Variants in MAPK10 observed in about 807,000 individuals in gnomAD.
MAPK10 encodes the protein JNK3 alpha protein kinase.
In MAPK10, 25 loss-of-function variants were observed where a neutral mutation model predicts 59.3. The ratio of observed to expected loss-of-function variants is 0.42; its 90% CI spans 0.31 to 0.59. The LOEUF is 0.59. MAPK10 is among the 20% of genes least tolerant of loss of function. MAPK10 has a pLI of 0.15. For missense variants in MAPK10, 351 were observed against 568.9 expected, an observed-to-expected ratio of 0.62 and a Z score of 3.90; for synonymous variants, 190 against 200.5, an observed-to-expected ratio of 0.95 and a Z score of 0.44.
Position 86,534,550 on chromosome 4 carries a change from C to T in MAPK10, c.-263+59360G>A, listed in dbSNP as rs565430375. ...TGTGAGATATTATCATTAAGAAAAA[C>T]GGAGTGAGTGGTATATGGAAACTAT... On this transcript the variant is annotated intron_variant, in intron 1 of 4. Coordinates refer to the MAPK10 transcript ENST00000502302. Among the ~76,000 whole-genome samples the T allele has an allele frequency of 8.5e-5, 13 of 152,128 alleles. No individual in the cohort carries two copies. In the East Asian group the frequency reaches 9.7e-4, roughly 11 times the overall value.
intron 1 of MAPK10, among the ~76,000 whole-genome samples, chr4:86,473,474 C>T (rs1281799073): frequency 4.6e-5 from 7 of 152,128 alleles, no homozygotes; most frequent in African/African-American, 1.7e-4. Context: ...GCAGAAAGTA[C>T]AGTAAGATTT....
Position 86,411,067 on chromosome 4 carries a change from T to G in MAPK10, c.-122+41963A>C, listed in dbSNP as rs532526746. The stretch of plus-strand genomic sequence containing the variant: ...CTATAAATTTCTCTCTACACACTGC[T>G]TTAAATGTGTCCCAGAGATTCTGGT... On this transcript the variant is annotated intron_variant, in intron 1 of 13. Coordinates refer to the MAPK10 transcript ENST00000361569. Among the ~76,000 whole-genome samples the G allele has an allele frequency of 3.3e-5, 5 of 152,364 alleles. No homozygotes were observed. In the East Asian group the frequency reaches 9.7e-4, roughly 29 times the overall value.
intron 1 of MAPK10, among the ~76,000 whole-genome samples, chr4:86,372,567 A>AGAAAGAAAGAAAGAAAGAAAGAAAG (rs1554253760): frequency 1.1e-4 from 15 of 132,932 alleles, no homozygotes; most frequent in Non-Finnish European, 1.8e-4. Context: ...AAAGAAAGAA[A>AGAAAGAAAGAAAGAAAGAAAGAAAG]GAAAAGAAAA....
At chr4:86,319,121 G>A (rs1274857054) in intron 2 of MAPK10, among the ~76,000 whole-genome samples, 1 of 152,136 alleles carries the variant, frequency 6.6e-6, no homozygotes, top group Non-Finnish European at 1.5e-5. Context: ...CACTGAAACA[G>A]GGTGGGTAAA....
chr4:86,238,640 C>G (rs1327609958), intron 2 of MAPK10, among the ~76,000 whole-genome samples: 2 of 152,116 alleles, frequency 1.3e-5, no homozygotes, highest in African/African-American at 2.4e-5. Context: ...TGATTTGGCT[C>G]TCCGCTTGCC....
intron 1 of MAPK10, among the ~76,000 whole-genome samples, chr4:86,569,322 G>A (rs1761289729): frequency 6.6e-6 from 1 of 152,146 alleles, no homozygotes; most frequent in Admixed American, 6.5e-5. Flanking sequence ...AGGATGCAGA[G>A]AAAAGGGAAC....
At chr4:86,356,083 A>C (rs1734331171) in intron 1 of MAPK10, among the ~76,000 whole-genome samples, 1 of 152,150 alleles carries the variant, frequency 6.6e-6, no homozygotes, top group Non-Finnish European at 1.5e-5. Context: ...GTGTACAAAC[A>C]CAAGGTAGTG....
At chr4:86,437,083 A>T (rs191218811) in intron 1 of MAPK10, among the ~76,000 whole-genome samples, 1 of 151,944 alleles carries the variant, frequency 6.6e-6, no homozygotes. Flanking sequence ...GCGTGGTGGC[A>T]GGCACCTGTA....
chr4:86,499,102 C>T (rs1755107129), intron 1 of MAPK10, among the ~76,000 whole-genome samples: 1 of 152,132 alleles, frequency 6.6e-6, no homozygotes, highest in Non-Finnish European at 1.5e-5. Flanking sequence ...AAATGAAATA[C>T]TTCTTTCAAG....
chr4:86,474,617 A>G (rs1752918109), intron 1 of MAPK10, among the ~76,000 whole-genome samples: 1 of 152,204 alleles, frequency 6.6e-6, no homozygotes, highest in Non-Finnish European at 1.5e-5. Context: ...CTTCATCATC[A>G]TACTTAACCA....
At chr4:86,547,954 C>T (rs962690921) in intron 1 of MAPK10, among the ~76,000 whole-genome samples, 2 of 152,118 alleles carry the variant, frequency 1.3e-5, no homozygotes, top group African/African-American at 2.4e-5. Context: ...ACAGACCACT[C>T]GGCTCTACCA....
chr4:86,566,717 A>C (rs1163259770), intron 1 of MAPK10, among the ~76,000 whole-genome samples: 1 of 152,064 alleles, frequency 6.6e-6, no homozygotes, highest in African/African-American at 2.4e-5. Context: ...TCCATTTAAA[A>C]AAAAAAAGTA....
At chr4:86,165,002 A>G (rs2071129806) in intron 3 of MAPK10, among the ~76,000 whole-genome samples, 1 of 152,176 alleles carries the variant, frequency 6.6e-6, no homozygotes, top group African/African-American at 2.4e-5. Context: ...ATATTTATTG[A>G]GCACCTACTG....
rs1752021900 is a variant in MAPK10, at chr4:86,029,294, T to TATTATA, written c.1175-26_1175-21dup. On this transcript the variant is annotated intron_variant, in intron 12 of 13. Coordinates refer to ENST00000641462, the MANE Select transcript of MAPK10 (RefSeq NM_138982.4). The stretch of plus-strand genomic sequence containing the variant: ...TAAGTTCTGTAAGAAACAGCTGTGT[T>TATTATA]ATTATAGAAAACAAATTTATCCTTC... 1 of 1,512,520 alleles carries TATTATA rather than the reference T, an allele frequency of 6.6e-7. No individual in the cohort carries two copies. 93.7% of individuals were successfully genotyped at this position (1,512,520 alleles called of 1,614,324 possible).
rs1366822715 is a variant in MAPK10, at chr4:86,014,044, C to T, written c.*3184G>A. On this transcript the variant is annotated 3_prime_UTR_variant, in exon 14 of 14. Coordinates refer to ENST00000641462, the MANE Select transcript of MAPK10 (RefSeq NM_138982.4). ...TTGCAGCAGTTTAATTTTCCCTGCA[C>T]ATGAGTACACAGCCATCCTTCCTAC... The T allele has an allele frequency of 6.6e-6, 1 of 152,170 alleles. No individual in the cohort carries two copies. Among genetic ancestry groups the T allele is most frequent in the African/African-American group, 2.4e-5 (1 of 41,440 alleles). 9.4% of individuals were successfully genotyped at this position (152,170 alleles called of 1,614,324 possible).
At chr4:86,053,298 T>C (rs2043920735) in intron 11 of MAPK10, among the ~76,000 whole-genome samples, 1 of 152,160 alleles carries the variant, frequency 6.6e-6, no homozygotes, top group Non-Finnish European at 1.5e-5. Flanking sequence ...CACAATGATA[T>C]GAGGATGGGT....
At chr4:86,492,406 C>A (rs751091854) in intron 1 of MAPK10, among the ~76,000 whole-genome samples, 1 of 152,186 alleles carries the variant, frequency 6.6e-6, no homozygotes, top group Admixed American at 6.5e-5. Context: ...TACACATTCC[C>A]TATTCTTCTT....
At chr4:86,261,498 C>G (rs1261671799) in intron 2 of MAPK10, among the ~76,000 whole-genome samples, 2 of 152,102 alleles carry the variant, frequency 1.3e-5, no homozygotes, top group African/African-American at 4.8e-5. Flanking sequence ...AAATATTTTC[C>G]CTTTCTCCCT....
At chr4:86,416,054 G>A (rs1410540455) in intron 1 of MAPK10, among the ~76,000 whole-genome samples, 4 of 152,140 alleles carry the variant, frequency 2.6e-5, no homozygotes, top group East Asian at 1.9e-4. Flanking sequence ...AAATGCATAC[G>A]TTGAAGCCCT....
Sources: gnomAD v4.1 joint callset for allele counts (sites outside exome capture counted in the v4.1 genomes callset) on GRCh38, gnomAD v4.1.1 for gene constraint, MANE v1.5 for transcripts, NCBI Gene and HGNC (gene_info 2026-07-23, HGNC 2026-07-21) for gene names.